Variants in SRPK2 observed in about 807,000 individuals in gnomAD.
SRPK2 encodes SRSF protein kinase 2.
SRPK2 carries 21 observed loss-of-function variants against 90.8 expected under a neutral mutation model. The ratio of observed to expected loss-of-function variants is 0.23; its 90% CI spans 0.16 to 0.33. The LOEUF (loss-of-function observed/expected upper bound fraction) is 0.33. Among genes scored for constraint, SRPK2 ranks in the 10% least tolerant of loss-of-function variants. SRPK2 has a pLI of 1.00. For synonymous variants in SRPK2, 288 were observed against 311.1 expected (o/e 0.93, Z 0.78); for missense variants, 620 against 869.0 (o/e 0.71, Z 3.60).
intron 2 of SRPK2, among the ~76,000 whole-genome samples, chr7:105,217,905 T>C (rs774752106): frequency 2.0e-5 from 3 of 152,192 alleles, no homozygotes; most frequent in African/African-American, 4.8e-5. Context: ...TCCTGTATAA[T>C]TCCCAGGGGA....
At chr7:105,305,961 TTTCAGAA>T (rs1321380933) in intron 2 of SRPK2, among the ~76,000 whole-genome samples, 1 of 152,182 alleles carries the variant, frequency 6.6e-6, no homozygotes, top group African/African-American at 2.4e-5. Flanking sequence ...TACGGAACAC[TTTCAGAA>T]ATGTAAATGG....
intron 10 of SRPK2, 68 bp from the exon 11 acceptor site, chr7:105,142,558 A>C: frequency 6.6e-7 from 1 of 1,512,848 alleles, no homozygotes; most frequent in Non-Finnish European, 8.8e-7. Flanking sequence ...TTAAGTACTT[A>C]TCTCCATCAA....
At chr7:105,223,557 C>G (rs1419153276) in intron 2 of SRPK2, among the ~76,000 whole-genome samples, 4 of 152,202 alleles carry the variant, frequency 2.6e-5, no homozygotes, top group Non-Finnish European at 5.9e-5. Flanking sequence ...TATTGACTCC[C>G]TGTGAATTGT....
chr7:105,269,126 T>C (rs548227308), intron 2 of SRPK2: 7 of 1,095,410 alleles, frequency 6.4e-6, no homozygotes, highest in East Asian at 9.6e-5. Context: ...TGTTTTCTTT[T>C]TTAAGGTAGA....
chr7:105,170,897 A>AGG (rs1563025746), intron 3 of SRPK2, among the ~76,000 whole-genome samples: 15 of 128,546 alleles, frequency 1.2e-4, no homozygotes, highest in South Asian at 5.3e-4. Context: ...GAAAGAAAGA[A>AGG]AGAAAGAAAG....
chr7:105,345,661 T>C (rs943060518), intron 2 of SRPK2, among the ~76,000 whole-genome samples: 2 of 152,234 alleles, frequency 1.3e-5, no homozygotes, highest in African/African-American at 4.8e-5. Flanking sequence ...TATTCATTCA[T>C]ATTTATTTTA....
At chr7:105,283,756 C>T (rs1270185402) in intron 2 of SRPK2, among the ~76,000 whole-genome samples, 6 of 151,820 alleles carry the variant, frequency 4.0e-5, no homozygotes, top group African/African-American at 1.2e-4. Flanking sequence ...TGATTAAAAC[C>T]GAGGCAGGCA....
intron 2 of SRPK2, among the ~76,000 whole-genome samples, chr7:105,331,325 A>AC (rs1814337996): frequency 5.2e-5 from 7 of 134,458 alleles, no homozygotes; most frequent in Non-Finnish European, 1.2e-4. Flanking sequence ...AAAAAAAAAA[A>AC]AAAAAAAAAA....
intron 2 of SRPK2, among the ~76,000 whole-genome samples, chr7:105,351,560 TG>T (rs1817180664): frequency 2.0e-5 from 3 of 151,920 alleles, no homozygotes; most frequent in Admixed American, 2.0e-4. Flanking sequence ...CCCAGCACTT[TG>T]GGTGGCCGAG....
chr7:105,391,500 C>T (rs918515969), upstream of SRPK2, among the ~76,000 whole-genome samples: 8 of 152,078 alleles, frequency 5.3e-5, no homozygotes, highest in African/African-American at 1.9e-4. Context: ...CCACTGCGCC[C>T]GGCTAAAAAT....
chr7:105,278,216 T>C (rs1806774735), intron 2 of SRPK2, among the ~76,000 whole-genome samples: 1 of 150,522 alleles, frequency 6.6e-6, no homozygotes, highest in African/African-American at 2.5e-5. Flanking sequence ...CTCAGGAGGC[T>C]GAGGCAGGAG....
At chr7:105,170,499 C>T (rs1177545515) in intron 3 of SRPK2, among the ~76,000 whole-genome samples, 1 of 151,734 alleles carries the variant, frequency 6.6e-6, no homozygotes, top group Non-Finnish European at 1.5e-5. Context: ...TCAAGACCAG[C>T]CTGGCCAACA....
chr7:105,137,211 T>C (rs1802972520), intron 11 of SRPK2, among the ~76,000 whole-genome samples: 1 of 152,124 alleles, frequency 6.6e-6, no homozygotes, highest in Non-Finnish European at 1.5e-5. Flanking sequence ...AAGAAGCCAG[T>C]GTGAACGGTG....
chr7:105,254,007 T>C (rs1324193011), intron 2 of SRPK2, among the ~76,000 whole-genome samples: 11 of 152,200 alleles, frequency 7.2e-5, no homozygotes, highest in Admixed American at 6.5e-4. Context: ...CCTTACAAAA[T>C]TTAGATTCAT....
intron 3 of SRPK2, among the ~76,000 whole-genome samples, chr7:105,199,852 C>T (rs1398263137): frequency 6.7e-6 from 1 of 149,218 alleles, no homozygotes; most frequent in Non-Finnish European, 1.5e-5. Context: ...GTAATAAGCA[C>T]ACCTAATGCC....
At chr7:105,138,537 G>T (rs927146195) in intron 11 of SRPK2, among the ~76,000 whole-genome samples, 1 of 152,206 alleles carries the variant, frequency 6.6e-6, no homozygotes, top group Non-Finnish European at 1.5e-5. Context: ...GATGGCTCAC[G>T]CCTTTAATCC....
At chr7:105,169,047 G>T (rs1790469519) in intron 4 of SRPK2, 110 bp downstream of exon 4, 1 of 867,458 alleles carries the variant, frequency 1.2e-6, no homozygotes, top group Non-Finnish European at 1.8e-6. Context: ...CCTGTGCTAA[G>T]CACTTCACAT....
intron 2 of SRPK2, among the ~76,000 whole-genome samples, chr7:105,224,650 C>G (rs1279453587): frequency 7.2e-5 from 11 of 152,184 alleles, no homozygotes; most frequent in African/African-American, 2.6e-4. Flanking sequence ...TTTAATTATC[C>G]AGTAAATACA....
At chr7:105,186,171 T>C (rs180686114) in intron 3 of SRPK2, among the ~76,000 whole-genome samples, 70 of 152,334 alleles carry the variant, frequency 4.6e-4, no homozygotes, top group African/African-American at 1.7e-3. Context: ...GTAGGAAGAA[T>C]GCCCTTGCTT....
Sources: allele counts gnomAD v4.1 joint callset (sites outside exome capture counted in the v4.1 genomes callset), GRCh38; gene constraint gnomAD v4.1.1; transcripts MANE v1.5; gene names NCBI Gene and HGNC (gene_info 2026-07-23, HGNC 2026-07-21).